Variants in GCN1 observed in about 807,000 individuals in gnomAD.
GCN1 encodes the protein GCN1 activator of EIF2AK4, also known as stalled ribosome sensor GCN1.
GCN1 carries 90 observed loss-of-function variants against 288.4 expected under a neutral mutation model. That is an observed-to-expected ratio of 0.31 (90% CI 0.26 to 0.37). The LOEUF is 0.37. Ranked by LOEUF, GCN1 falls within the 10% of genes least tolerant of loss-of-function variation. GCN1 has a pLI of 1.00. For missense variants in GCN1, 2,586 were observed against 3,419.9 expected, an observed-to-expected ratio of 0.76 and a Z score of 6.08; for synonymous variants, 1,386 against 1,420.2, an observed-to-expected ratio of 0.98 and a Z score of 0.54.
intron 3 of GCN1, among the ~76,000 whole-genome samples, 169 bp from the exon 4 acceptor site, chr12:120,184,412 A>G (rs768848672): frequency 1.1e-4 from 17 of 152,336 alleles, no homozygotes; most frequent in Non-Finnish European, 2.1e-4. Flanking sequence ...ACCTCCTCCT[A>G]GAGTTCTAAA....
intron 14 of GCN1, among the ~76,000 whole-genome samples, chr12:120,173,017 CA>C (rs1878358537): frequency 6.6e-6 from 1 of 151,144 alleles, no homozygotes; most frequent in African/African-American, 2.4e-5. Flanking sequence ...TTAATAAGTC[CA>C]GAGTAAAGTT....
intron 5 of GCN1, among the ~76,000 whole-genome samples, chr12:120,179,317 A>ACC (rs1193946430): frequency 7.5e-6 from 1 of 133,324 alleles, no homozygotes; most frequent in Non-Finnish European, 1.6e-5. Flanking sequence ...TGCAACCTCC[A>ACC]CCTCCCGGGT....
At chr12:120,133,804 C>T (rs1876908013) in intron 53 of GCN1, among the ~76,000 whole-genome samples, 1 of 152,180 alleles carries the variant, frequency 6.6e-6, no homozygotes. Context: ...CGCGGTGGCT[C>T]ATGCCTGTTA....
chr12:120,188,650 C>T (rs1208218183), intron 2 of GCN1, among the ~76,000 whole-genome samples: 1 of 151,966 alleles, frequency 6.6e-6, no homozygotes, highest in African/African-American at 2.4e-5. Context: ...GAGATCGAGA[C>T]CATCCTGGCT....
Position 120,158,410 on chromosome 12 carries a change from T to G in GCN1, c.2905+50A>C, listed in dbSNP as rs373490477. 3.9e-4 allele frequency: 569 copies of G among 1,457,406 alleles called. No individual in the cohort carries two copies. The highest frequency in any genetic ancestry group is 4.9e-4 in the Non-Finnish European group (534 of 1,081,580). The allele number at this position is 1,457,406 out of a possible 1,614,324, so 90.3% of individuals were successfully genotyped here. A position where few individuals can be genotyped will look rare whatever the true frequency, so the allele number is the denominator to read the frequency against. ...GACGCTGTGCCTTGAGCAGCATTCC[T>G]GGCACCAGCTCACACCGCCTGGTGC... is the stretch of plus-strand genomic sequence containing the variant. On this transcript the variant is annotated intron_variant, in intron 25 of 57. Transcript: ENST00000300648. The surrounding 1 kb of genome is among the most constrained non-coding windows in gnomAD (Gnocchi z 4.3).
At chr12:120,189,071 T>C (rs534332653) in intron 2 of GCN1, among the ~76,000 whole-genome samples, 4 of 152,160 alleles carry the variant, frequency 2.6e-5, no homozygotes, top group Middle Eastern at 3.4e-3. Context: ...AAGAAGGCCA[T>C]GGTTCCTTTT....
chr12:120,178,609 C>G lies in GCN1; in HGVS notation c.660+16G>C, dbSNP rs765766921. 5.0e-6 allele frequency: 8 copies of G among 1,614,040 alleles called. No individual in the cohort carries two copies. Among genetic ancestry groups the G allele is most frequent in the Non-Finnish European group, 5.9e-6 (7 of 1,179,882 alleles). On this transcript the variant is annotated intron_variant, in intron 7 of 57. Coordinates refer to ENST00000300648, the MANE Select transcript of GCN1 (RefSeq NM_006836.2). ...CCAACATAGCAAACCCACAGTCACTCTGCCTTGGCACTTGCCTTGTGCTGA... is the reference window on the plus strand; with the variant it reads ...CCAACATAGCAAACCCACAGTCACTGTGCCTTGGCACTTGCCTTGTGCTGA...
At chr12:120,178,189 G>A (rs7134706) in intron 7 of GCN1, among the ~76,000 whole-genome samples, 31,628 of 152,004 alleles carry the variant, frequency 0.21, 3,956 homozygotes, top group East Asian at 0.56. Context: ...AGGTCCTTCC[G>A]TTGTGGAGTC....
At position 120,157,834 on chromosome 12, in the gene GCN1, A is replaced by G; in HGVS notation, c.3087+15T>C. On this transcript the variant is annotated intron_variant, in intron 26 of 57. Transcript: ENST00000300648. ...CCCCTTTAAACCAAGAGGAGAGCAG[A>G]GCTTCCCTGCCAACCTCGTCCACCC... The G allele has an allele frequency of 6.2e-7, 1 of 1,609,596 alleles. No homozygotes were observed. Among genetic ancestry groups the G allele is most frequent in the Non-Finnish European group, 8.5e-7 (1 of 1,176,650 alleles).
At chr12:120,138,614 C>T (rs1877087630) in intron 46 of GCN1, 81 bp downstream of exon 46, 1 of 1,423,230 alleles carries the variant, frequency 7.0e-7, no homozygotes, top group Non-Finnish European at 9.8e-7. Flanking sequence ...ACTGCCTTGG[C>T]AGAATAATCG....
At chr12:120,151,815 G>A (rs1027803798) in intron 33 of GCN1, among the ~76,000 whole-genome samples, 22 of 152,134 alleles carry the variant, frequency 1.4e-4, no homozygotes, top group African/African-American at 5.3e-4. Context: ...GGGCCTTATA[G>A]GACCAGGCAC....
intron 39 of GCN1, 48 bp from the exon 40 acceptor site, chr12:120,145,109 A>G: frequency 6.2e-7 from 1 of 1,611,794 alleles, no homozygotes; most frequent in African/African-American, 1.3e-5. Flanking sequence ...TGAGGCTCAA[A>G]ACAAGGTAGC....
chr12:120,151,599 C>T (rs979297107), intron 33 of GCN1, among the ~76,000 whole-genome samples: 37 of 152,180 alleles, frequency 2.4e-4, no homozygotes, highest in African/African-American at 7.7e-4. Context: ...AATCTGCTGA[C>T]GACAAAAGCT....
At chr12:120,165,543 C>T (rs1416910200) in intron 16 of GCN1, among the ~76,000 whole-genome samples, 1 of 152,126 alleles carries the variant, frequency 6.6e-6, no homozygotes, top group Non-Finnish European at 1.5e-5. Context: ...TCTTGGCTCA[C>T]TACACCCTCC....
chr12:120,171,421 C>T (rs1431005027), intron 14 of GCN1, among the ~76,000 whole-genome samples: 3 of 151,948 alleles, frequency 2.0e-5, no homozygotes, highest in African/African-American at 7.2e-5. Flanking sequence ...GAGCTGAGAT[C>T]GCACCACTAC....
intron 50 of GCN1, among the ~76,000 whole-genome samples, 166 bp from the exon 51 acceptor site, chr12:120,136,898 G>C (rs533294825): frequency 7.9e-5 from 12 of 152,144 alleles, no homozygotes; most frequent in Non-Finnish European, 1.6e-4. Context: ...GCTATGGAAC[G>C]GTCTTGGCAG....
At chr12:120,138,080 G>A (rs1877071603) in intron 47 of GCN1, 36 bp from the exon 48 acceptor site, 3 of 1,576,410 alleles carry the variant, frequency 1.9e-6, no homozygotes, top group Admixed American at 3.6e-5. Flanking sequence ...AGTGAATACT[G>A]TGCCAGGTGC....
chr12:120,163,219 A>C lies in GCN1; in HGVS notation c.1889T>G (p.Val630Gly), dbSNP rs745628493. 1.9e-5 allele frequency: 30 copies of C among 1,613,896 alleles called. No individual in the cohort carries two copies. The highest frequency in any genetic ancestry group is 1.7e-5 in the Admixed American group (1 of 59,998). The part of the protein sequence containing the change: ...LEALVTDAGE[V>G]TEAGKAYVPP... The stretch of plus-strand genomic sequence containing the variant: ...CACGTAGGCCTTGCCTGCCTCAGTC[A>C]CCTCTCCAGCATCAGTCACCAAAGC... The change falls in exon 19 of 58, where the codon GTG (valine) becomes GGG (glycine). Residue 630 changes from valine (V) to glycine (G), a missense_variant. Val to Gly is a moderately radical substitution (Grantham distance 109, BLOSUM62 -3). Transcript: ENST00000300648.
intron 31 of GCN1, among the ~76,000 whole-genome samples, 177 bp downstream of exon 31, chr12:120,154,793 G>A (rs897316150): frequency 6.6e-6 from 1 of 152,108 alleles, no homozygotes; most frequent in Non-Finnish European, 1.5e-5. Flanking sequence ...CTGAAAGATG[G>A]TGCCTCACAC....
Sources: allele counts gnomAD v4.1 joint callset (sites outside exome capture counted in the v4.1 genomes callset), GRCh38; gene constraint gnomAD v4.1.1; non-coding constraint Gnocchi (gnomAD v3.1); transcripts MANE v1.5; gene names NCBI Gene and HGNC (gene_info 2026-07-23, HGNC 2026-07-21).